Variants in CSNK1G2 observed in about 807,000 individuals in gnomAD.
The protein encoded by CSNK1G2 is casein kinase 1 gamma 2.
CSNK1G2 carries 11 observed loss-of-function variants against 48.0 expected under a neutral mutation model. That is an observed-to-expected ratio of 0.23 (90% confidence interval 0.14 to 0.38). The LOEUF (loss-of-function observed/expected upper bound fraction) is 0.38, where lower values mean the gene tolerates loss of function less well. CSNK1G2 is among the 10% of genes least tolerant of loss of function. The probability of loss-of-function intolerance (pLI) is 1.00; values close to 1 mark genes in which losing one functional copy is unlikely to be tolerated. For synonymous variants in CSNK1G2, 337 were observed against 254.1 expected (o/e 1.33, Z -3.10); for missense variants, 446 against 595.5 (o/e 0.75, Z 2.61).
Position 1,980,295 on chromosome 19 carries a change from C to A in CSNK1G2, c.*92C>A. 1 of 1,487,220 alleles carries A rather than the reference C, an allele frequency of 6.7e-7. No individual in the cohort carries two copies. The highest frequency in any genetic ancestry group is 9.3e-7 in the Non-Finnish European group (1 of 1,073,562). 92.1% of individuals were successfully genotyped at this position (1,487,220 alleles called of 1,614,324 possible). The stretch of plus-strand genomic sequence containing the variant: ...CCCTCGGGGCCCACCCACAGCGGCC[C>A]AGGGCCAGACCCTGGCTGGAAGCCA... On this transcript the variant is annotated 3_prime_UTR_variant, in exon 12 of 12. Transcript: ENST00000255641.
Position 1,956,012 on chromosome 19 carries a change from G to C in CSNK1G2, c.-265-13496G>C, listed in dbSNP as rs558315229. Among the ~76,000 whole-genome samples, 12 of 152,322 alleles carry C rather than the reference G, an allele frequency of 7.9e-5. No individual in the cohort carries two copies. The South Asian group carries it at 1.9e-3, about 24-fold the overall frequency. On this transcript the variant is annotated intron_variant, in intron 1 of 11. Coordinates refer to ENST00000255641, the MANE Select transcript of CSNK1G2 (RefSeq NM_001319.7). The stretch of plus-strand genomic sequence containing the variant: ...GCGGAGCAGGGTCGGCACACAGCCC[G>C]GGCTGGCCTTCACCCCAGCTCCCGA...
chr19:1,976,369 C>T (rs1353162359), intron 2 of CSNK1G2, among the ~76,000 whole-genome samples: 3 of 152,158 alleles, frequency 2.0e-5, no homozygotes, highest in East Asian at 1.9e-4. Flanking sequence ...GGTCTTCCCT[C>T]GTCCTCACGA....
chr19:1,975,095 G>A (rs1005640123), intron 2 of CSNK1G2: 12 of 985,342 alleles, frequency 1.2e-5, no homozygotes, highest in Non-Finnish European at 1.3e-5. Context: ...TTCAGGCGAA[G>A]GTTTCTTCCA....
intron 1 of CSNK1G2, among the ~76,000 whole-genome samples, chr19:1,965,745 C>T (rs142181536): frequency 0.04 from 6,103 of 151,920 alleles, 420 homozygotes; most frequent in African/African-American, 0.14. Context: ...GCAGTCTGCC[C>T]GCCTCAGCCT....
chr19:1,972,624 G>C (rs989326032), intron 2 of CSNK1G2, among the ~76,000 whole-genome samples: 12 of 152,056 alleles, frequency 7.9e-5, no homozygotes, highest in Admixed American at 5.2e-4. Context: ...GCTTTGCTTT[G>C]TTTTGTTTTG....
At chr19:1,968,775 G>A (rs929925241) in intron 1 of CSNK1G2, 25 of 152,590 alleles carry the variant, frequency 1.6e-4, no homozygotes, top group Non-Finnish European at 1.0e-4. Context: ...CTCAAGCCCC[G>A]CCATTCCCTC....
rs1013920969 is a variant in CSNK1G2 at position 1,975,822 on chromosome 19, C to T, written c.188-2483C>T. 2.0e-5 allele frequency: 19 copies of T among 956,914 alleles called. No individual in the cohort carries two copies. In the East Asian group the frequency reaches 3.5e-4, roughly 17 times the overall value. 59.3% of individuals were successfully genotyped at this position (956,914 alleles called of 1,614,324 possible). ...AGGCTGATGTGGGCGGATCACCTGA[C>T]GTCAGGAGTTCGAGACCAGCCTGGA... On this transcript the variant is annotated intron_variant, in intron 2 of 11. Coordinates refer to ENST00000255641, the MANE Select transcript of CSNK1G2 (RefSeq NM_001319.7).
At chr19:1,942,414 C>CG (rs1378572883) in intron 1 of CSNK1G2, 1 of 152,402 alleles carries the variant, frequency 6.6e-6, no homozygotes, top group African/African-American at 2.4e-5. Flanking sequence ...TTGCAGGAAG[C>CG]GGGCCGGAGG....
chr19:1,979,046 T>C lies in CSNK1G2; in HGVS notation c.635T>C (p.Leu212Pro). Reference sequence around the variant, plus strand: ...ATCCCGTACCGCGAGCACAAGAGCCTGACGGGCACGGCGCGCTACATGAGC... The same window carrying C: ...ATCCCGTACCGCGAGCACAAGAGCCCGACGGGCACGGCGCGCTACATGAGC... ...KHIPYREHKS[L>P]TGTARYMSIN... is the part of the protein sequence containing the mutation. Residue 212 changes from leucine (L) to proline (P), a missense_variant, in exon 6 of 12, where the codon CTG (leucine) becomes CCG (proline). Leu to Pro is a moderately conservative substitution (Grantham distance 98). Coordinates refer to ENST00000255641, the MANE Select transcript of CSNK1G2 (RefSeq NM_001319.7). The C allele has an allele frequency of 6.3e-7, 1 of 1,596,222 alleles. No homozygotes were observed. Among genetic ancestry groups the C allele is most frequent in the Non-Finnish European group, 8.5e-7 (1 of 1,178,968 alleles).
At chr19:1,972,546 A>G (rs902958334) in intron 2 of CSNK1G2, among the ~76,000 whole-genome samples, 2 of 152,206 alleles carry the variant, frequency 1.3e-5, no homozygotes, top group African/African-American at 4.8e-5. Context: ...CTGTGTTGGT[A>G]CTTTTTCAAA....
chr19:1,959,612 C>CA, intron 1 of CSNK1G2, among the ~76,000 whole-genome samples: 1 of 124,408 alleles, frequency 8.0e-6, no homozygotes, highest in African/African-American at 3.5e-5. Context: ...CCTGAGTCCC[C>CA]CAGCACCCGT....
At chr19:1,973,254 C>G (rs907273626) in intron 2 of CSNK1G2, among the ~76,000 whole-genome samples, 2 of 150,448 alleles carry the variant, frequency 1.3e-5, no homozygotes, top group Non-Finnish European at 3.0e-5. Context: ...GACAGAGTCT[C>G]ACTCTCTTGC....
intron 1 of CSNK1G2, chr19:1,952,498 T>C (rs1232326561): frequency 6.6e-6 from 1 of 152,564 alleles, no homozygotes; most frequent in Non-Finnish European, 1.5e-5. Context: ...AATTTTTGTA[T>C]TTTTAGAAGA....
rs2015962028 is a variant in CSNK1G2, at chr19:1,980,796, G to A, written c.*593G>A. On this transcript the variant is annotated 3_prime_UTR_variant, in exon 12 of 12. Transcript: ENST00000255641. ...AGGGGTGGGGCCGTGGCTGAAGCCG[G>A]CTCCCCAACCAAAATGCTGCACCAA... The A allele has an allele frequency of 1.3e-5, 2 of 152,810 alleles. No individual in the cohort carries two copies. The highest frequency in any genetic ancestry group is 2.4e-5 in the African/African-American group (1 of 41,454). The allele number at this position is 152,810 out of a possible 1,614,324, so 9.5% of individuals were successfully genotyped here.
intron 1 of CSNK1G2, among the ~76,000 whole-genome samples, chr19:1,955,264 A>G (rs980235730): frequency 1.3e-5 from 2 of 151,898 alleles, no homozygotes; most frequent in African/African-American, 4.8e-5. Context: ...AACACAGCCC[A>G]GGGTGGCGGC....
chr19:1,949,953 C>A (rs1290082114), intron 1 of CSNK1G2, among the ~76,000 whole-genome samples: 10 of 152,198 alleles, frequency 6.6e-5, no homozygotes. Context: ...CGAGCACGGC[C>A]AGTGGGACAG....
chr19:1,961,137 G>T (rs879469481), intron 1 of CSNK1G2, among the ~76,000 whole-genome samples: 2 of 152,270 alleles, frequency 1.3e-5, no homozygotes, highest in South Asian at 2.1e-4. Flanking sequence ...GTGGAAAGAC[G>T]GATGGACGGG....
chr19:1,941,337 G>T lies in CSNK1G2; in HGVS notation c.-347G>T, dbSNP rs1477646204. ...CGGAGCGCGAGGGGGCGCGGGGCCC[G>T]GAGCGGGGGTCCGCGCTGCGCTGCT... On this transcript the variant is annotated 5_prime_UTR_variant, in exon 1 of 12. Transcript: ENST00000255641. 3 of 146,836 alleles carry T rather than the reference G, an allele frequency of 2.0e-5. No homozygotes were observed. The highest frequency in any genetic ancestry group is 3.0e-5 in the Non-Finnish European group (2 of 66,004). The allele number at this position is 146,836 out of a possible 1,614,324, so 9.1% of individuals were successfully genotyped here. A position where few individuals can be genotyped will look rare whatever the true frequency, so the allele number is the denominator to read the frequency against.
At chr19:1,972,875 C>T (rs1423037241) in intron 2 of CSNK1G2, among the ~76,000 whole-genome samples, 8 of 151,626 alleles carry the variant, frequency 5.3e-5, no homozygotes, top group South Asian at 2.1e-4. Context: ...CCACCTGCCT[C>T]GGCCTCCCAA....
Sources: allele counts gnomAD v4.1 joint callset (sites outside exome capture counted in the v4.1 genomes callset), GRCh38; gene constraint gnomAD v4.1.1; transcripts MANE v1.5; gene names NCBI Gene and HGNC (gene_info 2026-07-23, HGNC 2026-07-21).